GALNT5: variants seen among roughly 807,000 people sequenced by gnomAD.
The protein encoded by GALNT5 is polypeptide N-acetylgalactosaminyltransferase 5.
A neutral mutation model predicts 85.4 loss-of-function variants in GALNT5; 72 were observed. The ratio of observed to expected loss-of-function variants is 0.84; its 90% CI spans 0.70 to 1.03. The LOEUF (loss-of-function observed/expected upper bound fraction) is 1.03. Ranked by LOEUF, GALNT5 falls within the 50% of genes least tolerant of loss-of-function variation. The probability of loss-of-function intolerance (pLI) is 0.00; values close to 1 mark genes in which losing one functional copy is unlikely to be tolerated. For missense variants in GALNT5, 1,137 were observed against 1,135.5 expected (o/e 1.00, Z -0.02); for synonymous variants, 404 against 397.0 (o/e 1.02, Z -0.21).
chr2:157,279,091 T>C (rs1369892484), intron 1 of GALNT5, among the ~76,000 whole-genome samples: 4 of 152,222 alleles, frequency 2.6e-5, no homozygotes, highest in Non-Finnish European at 5.9e-5. Flanking sequence ...TGCAGATCTG[T>C]TGGAGTTTGC....
At chr2:157,301,075 G>T (rs183655983) in intron 7 of GALNT5, 76 bp downstream of exon 7, 7 of 1,020,452 alleles carry the variant, frequency 6.9e-6, no homozygotes, top group Admixed American at 2.0e-5. Flanking sequence ...TGTGTGGAAA[G>T]AATGAGTAAT....
intron 1 of GALNT5, among the ~76,000 whole-genome samples, chr2:157,271,705 G>T (rs1489636355): frequency 6.6e-6 from 1 of 152,236 alleles, no homozygotes; most frequent in East Asian, 1.9e-4. Context: ...TGGGTTGAGT[G>T]GGGTGAAGTC....
intron 1 of GALNT5, among the ~76,000 whole-genome samples, chr2:157,269,620 T>C (rs1200129081): frequency 6.6e-6 from 1 of 152,176 alleles, no homozygotes; most frequent in Non-Finnish European, 1.5e-5. Flanking sequence ...CACCATGACA[T>C]AATCGGGGGA....
chr2:157,258,598 A>G lies in GALNT5; in HGVS notation c.516A>G (p.Ser172=). The change falls in exon 1 of 10, where the codon TCA becomes TCG. Residue 172 remains serine, a synonymous_variant. Transcript: ENST00000259056. The part of the protein sequence containing the change: ...QTTAQGAPKT[S]FIAAKGTQVV... ...CAGCTCAGGGGGCTCCAAAGACCTC[A>G]TTCATAGCAGCAAAAGGAACTCAGG... The G allele has an allele frequency of 6.2e-7, 1 of 1,613,654 alleles. No homozygotes were observed.
intron 9 of GALNT5, among the ~76,000 whole-genome samples, chr2:157,310,682 C>A (rs74606500): frequency 1.3e-5 from 2 of 152,232 alleles, no homozygotes; most frequent in East Asian, 1.9e-4. Flanking sequence ...ATATAACTTT[C>A]TTTAATGCTG....
intron 1 of GALNT5, among the ~76,000 whole-genome samples, chr2:157,282,337 G>T (rs112924745): frequency 0.081 from 12,236 of 151,962 alleles, 1,635 homozygotes; most frequent in African/African-American, 0.27. Context: ...GTTTGTTGGT[G>T]GGTTGGTTTC....
In GALNT5 at chr2:157,316,469, A is replaced by G. The variant is rs961456930; in HGVS notation, c.*5121A>G. Among the ~76,000 whole-genome samples the G allele has an allele frequency of 2.0e-5, 3 of 152,172 alleles. No individual in the cohort carries two copies. Among genetic ancestry groups the G allele is most frequent in the African/African-American group, 7.2e-5 (3 of 41,422 alleles). ...AGCAGATTGCTCATCTTGAACAGAA[A>G]TAAAAAGTTAAAAAGTTGGAGTCCT... is the stretch of plus-strand genomic sequence containing the variant. On this transcript the variant is annotated 3_prime_UTR_variant, in exon 10 of 10. Coordinates refer to ENST00000259056, the MANE Select transcript of GALNT5 (RefSeq NM_014568.3).
At chr2:157,266,702 C>A (rs1682465870) in intron 1 of GALNT5, among the ~76,000 whole-genome samples, 1 of 152,056 alleles carries the variant, frequency 6.6e-6, no homozygotes, top group African/African-American at 2.4e-5. Context: ...TATCCATTGT[C>A]CCAGCAAACT....
chr2:157,308,353 C>T (rs565133499), intron 8 of GALNT5, among the ~76,000 whole-genome samples: 5 of 152,264 alleles, frequency 3.3e-5, no homozygotes, highest in South Asian at 2.1e-4. Context: ...TAGATACAAT[C>T]GCTATCCAAC....
intron 7 of GALNT5, among the ~76,000 whole-genome samples, chr2:157,304,732 C>T (rs925332923): frequency 2.6e-5 from 4 of 152,072 alleles, no homozygotes; most frequent in African/African-American, 7.2e-5. Context: ...TAATTTTTTC[C>T]GCATATTCTG....
rs148065188 is a variant in GALNT5, at chr2:157,313,550, T to C, written c.*2202T>C. 4 of 152,306 alleles carry C rather than the reference T, an allele frequency of 2.6e-5. No individual in the cohort carries two copies. Among genetic ancestry groups the C allele is most frequent in the African/African-American group, 9.6e-5 (4 of 41,576 alleles). The allele number at this position is 152,306 out of a possible 1,614,324, so 9.4% of individuals were successfully genotyped here. On this transcript the variant is annotated 3_prime_UTR_variant, in exon 10 of 10. Transcript: ENST00000259056. ...TGAGTTACTGACAAACTGAACATGCTAGGTGCCTCATGTAATTCTTCATGT... is the reference window on the plus strand; with the variant it reads ...TGAGTTACTGACAAACTGAACATGCCAGGTGCCTCATGTAATTCTTCATGT...
chr2:157,312,001 T>C lies in GALNT5; in HGVS notation c.*653T>C, dbSNP rs1414013019. On this transcript the variant is annotated 3_prime_UTR_variant, in exon 10 of 10. Coordinates refer to ENST00000259056, the MANE Select transcript of GALNT5 (RefSeq NM_014568.3). Reference sequence around the variant, plus strand: ...AAATTTAAGTGAGGAAGAAGAGGCCTTCAAATGCTTATTTAATTCTAGGTA... The same window carrying C: ...AAATTTAAGTGAGGAAGAAGAGGCCCTCAAATGCTTATTTAATTCTAGGTA... 3 of 152,206 alleles carry C rather than the reference T, an allele frequency of 2.0e-5. No homozygotes were observed. Among genetic ancestry groups the C allele is most frequent in the Non-Finnish European group, 4.4e-5 (3 of 68,028 alleles). 9.4% of individuals were successfully genotyped at this position (152,206 alleles called of 1,614,324 possible).
rs1330011526 is a variant in GALNT5 at position 157,262,208 on chromosome 2, A to T, written c.1454+2672A>T. Among the ~76,000 whole-genome samples, 8 of 108,358 alleles carry T rather than the reference A, an allele frequency of 7.4e-5. No individual in the cohort carries two copies. In the East Asian group the frequency reaches 2.7e-3, roughly 36 times the overall value. 71.1% of individuals were successfully genotyped at this position (108,358 alleles called of 152,430 possible). A position where few individuals can be genotyped will look rare whatever the true frequency, so the allele number is the denominator to read the frequency against. On this transcript the variant is annotated intron_variant, in intron 1 of 9. Coordinates refer to ENST00000259056, the MANE Select transcript of GALNT5 (RefSeq NM_014568.3). ...TGATACAGAATGAACCAAAAAATGTAAAAAAAAAAAAAAAAAAGCGCACAG... is the reference window on the plus strand; with the variant it reads ...TGATACAGAATGAACCAAAAAATGTTAAAAAAAAAAAAAAAAAGCGCACAG...
Position 157,296,380 on chromosome 2 carries a change from A to T in GALNT5, c.1878-14A>T. Reference sequence around the variant, plus strand: ...AATCCCAGATAACACTTTGTTTTTCATTTCCTGGATTAGTTACATGACAGT... The same window carrying T: ...AATCCCAGATAACACTTTGTTTTTCTTTTCCTGGATTAGTTACATGACAGT... On this transcript the variant is annotated splice_polypyrimidine_tract_variant and intron_variant, in intron 4 of 9. Coordinates refer to ENST00000259056, the MANE Select transcript of GALNT5 (RefSeq NM_014568.3). The T allele has an allele frequency of 6.2e-7, 1 of 1,600,200 alleles. No individual in the cohort carries two copies. The highest frequency in any genetic ancestry group is 1.7e-5 in the Admixed American group (1 of 59,534).
At chr2:157,280,660 T>G (rs1248091136) in intron 1 of GALNT5, among the ~76,000 whole-genome samples, 1 of 152,200 alleles carries the variant, frequency 6.6e-6, no homozygotes, top group Non-Finnish European at 1.5e-5. Context: ...ATCCAAGGAA[T>G]AGCCAAGTGA....
chr2:157,267,232 T>C (rs1174459558), intron 1 of GALNT5, among the ~76,000 whole-genome samples: 1 of 152,048 alleles, frequency 6.6e-6, no homozygotes, highest in Non-Finnish European at 1.5e-5. Context: ...TCGAGGGAAA[T>C]CTGACATGGG....
At chr2:157,307,124 A>G (rs1683470520) in intron 8 of GALNT5, among the ~76,000 whole-genome samples, 1 of 152,042 alleles carries the variant, frequency 6.6e-6, no homozygotes, top group African/African-American at 2.4e-5. Flanking sequence ...TCTCAATTGG[A>G]TGCTGAGAGG....
chr2:157,299,435 A>T, intron 5 of GALNT5, 113 bp from the exon 6 acceptor site: 1 of 649,694 alleles, frequency 1.5e-6, no homozygotes, highest in Non-Finnish European at 2.8e-6. Context: ...TCCCTGCATC[A>T]GGTAGCTATT....
At chr2:157,291,629 A>AAC (rs1683101293) in intron 3 of GALNT5, among the ~76,000 whole-genome samples, 2 of 60,706 alleles carry the variant, frequency 3.3e-5, no homozygotes, top group Non-Finnish European at 7.7e-5. Flanking sequence ...TTATGTTACC[A>AAC]CCCACCCCCC....
Sources: allele counts gnomAD v4.1 joint callset (sites outside exome capture counted in the v4.1 genomes callset), GRCh38; gene constraint gnomAD v4.1.1; transcripts MANE v1.5; gene names NCBI Gene and HGNC (gene_info 2026-07-23, HGNC 2026-07-21).